The following AOAH variants were observed in gnomAD, a reference collection of about 807,000 sequenced individuals.
AOAH encodes acyloxyacyl hydrolase (neutrophil).
AOAH carries 64 observed loss-of-function variants against 92.2 expected under a neutral mutation model. That is an observed-to-expected ratio of 0.69 (90% CI 0.57 to 0.86). The LOEUF (loss-of-function observed/expected upper bound fraction) is 0.86. AOAH is among the 40% of genes least tolerant of loss of function. The pLI, the probability that AOAH is intolerant of heterozygous loss-of-function variation, is 0.00. For missense variants in AOAH, 656 were observed against 694.6 expected (o/e 0.94, Z 0.62); for synonymous variants, 263 against 254.5 (o/e 1.03, Z -0.32).
At chr7:36,638,832 T>C (rs1286418599) in intron 4 of AOAH, among the ~76,000 whole-genome samples, 1 of 152,228 alleles carries the variant, frequency 6.6e-6, no homozygotes, top group African/African-American at 2.4e-5. Context: ...GTTGCCAGGA[T>C]GCCCTGCTAC....
chr7:36,518,073 C>T (rs180738010), intron 20 of AOAH, among the ~76,000 whole-genome samples: 1 of 152,230 alleles, frequency 6.6e-6, no homozygotes, highest in African/African-American at 2.4e-5. Context: ...GTAAACAGTG[C>T]CATGAGTTTG....
intron 20 of AOAH, among the ~76,000 whole-genome samples, chr7:36,515,482 C>T (rs1783588505): frequency 1.5e-5 from 2 of 129,162 alleles, no homozygotes; most frequent in South Asian, 5.5e-4. Context: ...CACAACCCCA[C>T]ACCACACACA....
intron 13 of AOAH, among the ~76,000 whole-genome samples, chr7:36,565,002 A>G (rs1787584445): frequency 6.6e-6 from 1 of 152,258 alleles, no homozygotes. Flanking sequence ...GAGTAATAAC[A>G]GAGTGATTTC....
chr7:36,646,616 A>G (rs1173635411), intron 4 of AOAH, among the ~76,000 whole-genome samples: 1 of 152,242 alleles, frequency 6.6e-6, no homozygotes, highest in Non-Finnish European at 1.5e-5. Context: ...TGAAAACAAC[A>G]CGAATATTCT....
chr7:36,684,257 C>CGA (rs537916056), intron 2 of AOAH, among the ~76,000 whole-genome samples: 197 of 152,166 alleles, frequency 1.3e-3, no homozygotes, highest in African/African-American at 4.4e-3. Context: ...GGTCAAAGCT[C>CGA]GATGGGATCA....
chr7:36,537,517 T>TG (rs1562546191), intron 16 of AOAH, among the ~76,000 whole-genome samples: 2 of 148,970 alleles, frequency 1.3e-5, no homozygotes, highest in East Asian at 2.0e-4. Context: ...TTTTTTTTTT[T>TG]TTTTTGTTTG....
chr7:36,673,606 G>T (rs930827358), intron 3 of AOAH, among the ~76,000 whole-genome samples: 1 of 152,160 alleles, frequency 6.6e-6, no homozygotes, highest in African/African-American at 2.4e-5. Flanking sequence ...CGAGGAGCAA[G>T]GGCTGGGAGT....
intron 10 of AOAH, among the ~76,000 whole-genome samples, chr7:36,617,297 G>A (rs1374844618): frequency 1.3e-5 from 2 of 152,170 alleles, no homozygotes; most frequent in Non-Finnish European, 2.9e-5. Flanking sequence ...TGGGATGTGG[G>A]GAATCTAAGA....
At chr7:36,519,005 T>A (rs1389537877) in intron 20 of AOAH, among the ~76,000 whole-genome samples, 1 of 152,232 alleles carries the variant, frequency 6.6e-6, no homozygotes, top group Non-Finnish European at 1.5e-5. Context: ...TTTGGTCATT[T>A]AAAAAATCTT....
intron 6 of AOAH, among the ~76,000 whole-genome samples, chr7:36,626,813 CTTGCTCTG>C (rs1792697612): frequency 6.6e-6 from 1 of 152,152 alleles, no homozygotes; most frequent in Admixed American, 6.5e-5. Context: ...GAGACGGGGT[CTTGCTCTG>C]TTGCCCAGGC....
chr7:36,632,371 C>T (rs1444362531), intron 5 of AOAH, among the ~76,000 whole-genome samples: 2 of 152,234 alleles, frequency 1.3e-5, no homozygotes, highest in Non-Finnish European at 2.9e-5. Flanking sequence ...CAGCCACCCT[C>T]ACTCTCCACC....
At position 36,517,214 on chromosome 7, in the gene AOAH, C is replaced by T. The variant is rs60519044; in HGVS notation, c.1600-3834G>A. Among the ~76,000 whole-genome samples the T allele has an allele frequency of 2.0e-3, 208 of 104,878 alleles. 3 individuals are homozygous for T. The highest frequency in any genetic ancestry group is 5.5e-3 in the African/African-American group (139 of 25,154). The allele number at this position is 104,878 out of a possible 152,430, so 68.8% of individuals were successfully genotyped here. A position where few individuals can be genotyped will look rare whatever the true frequency, so the allele number is the denominator to read the frequency against. On this transcript the variant is annotated intron_variant, in intron 20 of 20. Coordinates refer to ENST00000617537, the MANE Select transcript of AOAH (RefSeq NM_001637.4). ...TCTTTCTTTCTTTCTTTCTTTCTTT[C>T]TCTTTCTTTCTGTCTCTCTCTCTCT...
chr7:36,564,371 C>T (rs986866066), intron 13 of AOAH, among the ~76,000 whole-genome samples: 2 of 152,152 alleles, frequency 1.3e-5, no homozygotes, highest in Admixed American at 1.3e-4. Flanking sequence ...ATGATGATCT[C>T]CTTGAAGGTG....
chr7:36,533,801 G>A (rs983139346), intron 16 of AOAH, among the ~76,000 whole-genome samples: 3 of 151,374 alleles, frequency 2.0e-5, no homozygotes, highest in African/African-American at 7.3e-5. Context: ...GGTCCTCCAC[G>A]TGCTCTCCTG....
At chr7:36,703,644 G>A (rs934954613) in intron 1 of AOAH, among the ~76,000 whole-genome samples, 3 of 152,090 alleles carry the variant, frequency 2.0e-5, no homozygotes, top group African/African-American at 4.8e-5. Context: ...AACATGTGGT[G>A]TTTGGTTTTC....
At chr7:36,631,690 C>G (rs1793116550) in intron 6 of AOAH, among the ~76,000 whole-genome samples, 1 of 152,154 alleles carries the variant, frequency 6.6e-6, no homozygotes, top group African/African-American at 2.4e-5. Flanking sequence ...AGTTGCCCAC[C>G]CTGGTCCATA....
At chr7:36,555,676 C>G (rs542713330) in intron 13 of AOAH, among the ~76,000 whole-genome samples, 42 of 152,202 alleles carry the variant, frequency 2.8e-4, no homozygotes, top group African/African-American at 9.4e-4. Flanking sequence ...TGTTATTGGT[C>G]TATTCAGAGA....
chr7:36,703,034 A>G (rs1379980312), intron 1 of AOAH, among the ~76,000 whole-genome samples: 2 of 152,162 alleles, frequency 1.3e-5, no homozygotes, highest in Non-Finnish European at 2.9e-5. Flanking sequence ...ATTTCACTTC[A>G]AAAAACATCT....
At chr7:36,591,587 G>C (rs1789748208) in intron 12 of AOAH, among the ~76,000 whole-genome samples, 1 of 152,204 alleles carries the variant, frequency 6.6e-6, no homozygotes, top group East Asian at 1.9e-4. Flanking sequence ...TGCTTTGATG[G>C]AAGATCCTGT....
Sources: gnomAD v4.1 joint callset for allele counts (sites outside exome capture counted in the v4.1 genomes callset) on GRCh38, gnomAD v4.1.1 for gene constraint, MANE v1.5 for transcripts, NCBI Gene and HGNC (gene_info 2026-07-23, HGNC 2026-07-21) for gene names.